Variants in NCOR2 observed in about 807,000 individuals in gnomAD.
The protein encoded by NCOR2 is CTG repeat protein 26.
NCOR2 carries 81 observed loss-of-function variants against 262.9 expected under a neutral mutation model. The ratio of observed to expected loss-of-function variants is 0.31; its 90% CI spans 0.26 to 0.37. NCOR2 has a LOEUF of 0.37. NCOR2 is among the 10% of genes least tolerant of loss of function. The probability of loss-of-function intolerance (pLI) is 1.00; values close to 1 mark genes in which losing one functional copy is unlikely to be tolerated. For synonymous variants in NCOR2, 1,659 were observed against 1,559.3 expected, an observed-to-expected ratio of 1.06 and a Z score of -1.51; for missense variants, 3,385 against 3,621.4, an observed-to-expected ratio of 0.93 and a Z score of 1.68.
At position 124,354,613 on chromosome 12, in the gene NCOR2, G is replaced by T. The variant is rs367888554; in HGVS notation, c.3485-31C>A. 1.6e-4 allele frequency: 233 copies of T among 1,490,438 alleles called. 1 individual carries two copies. The African/African-American group carries it at 2.8e-3, about 18-fold the overall frequency. The allele number at this position is 1,490,438 out of a possible 1,614,324, so 92.3% of individuals were successfully genotyped here. ...GACCAGTAAGAGGAGCGAGTCACGTGCTGCCGGAGCAGGGTCCCGGGAGGC... is the reference window on the plus strand; with the variant it reads ...GACCAGTAAGAGGAGCGAGTCACGTTCTGCCGGAGCAGGGTCCCGGGAGGC... On this transcript the variant is annotated intron_variant, in intron 25 of 46. Coordinates refer to ENST00000405201, the Ensembl canonical transcript of NCOR2.
intron 18 of NCOR2, among the ~76,000 whole-genome samples, chr12:124,376,586 T>TG (rs1565889071): frequency 6.6e-6 from 1 of 152,116 alleles, no homozygotes; most frequent in Non-Finnish European, 1.5e-5. Flanking sequence ...CCAAAGCTGG[T>TG]GGGGAGGCCA....
At chr12:124,415,194 C>T (rs538272374) in intron 13 of NCOR2, among the ~76,000 whole-genome samples, 1 of 152,336 alleles carries the variant, frequency 6.6e-6, no homozygotes, top group South Asian at 2.1e-4. Context: ...TGCTCACAGC[C>T]TTGGCGCACT....
upstream of NCOR2, among the ~76,000 whole-genome samples, chr12:124,540,295 G>C (rs1019575116): frequency 1.3e-5 from 2 of 149,378 alleles, no homozygotes; most frequent in Non-Finnish European, 3.0e-5. Flanking sequence ...CCGAGGAACA[G>C]GTGTCCATGA....
intron 1 of NCOR2, among the ~76,000 whole-genome samples, chr12:124,521,433 A>G (rs1201211679): frequency 6.6e-6 from 1 of 152,238 alleles, no homozygotes; most frequent in Non-Finnish European, 1.5e-5. Context: ...GAATTCCGCC[A>G]TATAAAGGAA....
chr12:124,482,297 G>A lies in NCOR2; in HGVS notation c.411+1299C>T, dbSNP rs1202539988. ...CCTGTGGGTATCTGGCAGGTGTGCA[G>A]GTGTCGGGGCCACAGCCACTCAGAG... is the stretch of plus-strand genomic sequence containing the variant. On this transcript the variant is annotated intron_variant, in intron 3 of 46. Coordinates refer to ENST00000405201, the Ensembl canonical transcript of NCOR2. This position sits in a 1 kb window ranked among gnomAD's most constrained non-coding sequence, Gnocchi z 6.3. Among the ~76,000 whole-genome samples, 1 of 151,976 alleles carries A rather than the reference G, an allele frequency of 6.6e-6. No individual in the cohort carries two copies. The highest frequency in any genetic ancestry group is 6.5e-5 in the Admixed American group (1 of 15,270).
intron 34 of NCOR2, among the ~76,000 whole-genome samples, chr12:124,341,494 C>T (rs1430891685): frequency 6.6e-6 from 1 of 152,224 alleles, no homozygotes; most frequent in Non-Finnish European, 1.5e-5. Context: ...GCCTCGCCCT[C>T]CCCAAGTGCT....
chr12:124,392,076 G>A (rs1370106835), intron 16 of NCOR2, among the ~76,000 whole-genome samples: 1 of 152,208 alleles, frequency 6.6e-6, no homozygotes, highest in Non-Finnish European at 1.5e-5. Context: ...GGCCTGCCTT[G>A]TTCGTGAGCA....
intron 11 of NCOR2, among the ~76,000 whole-genome samples, chr12:124,424,703 C>A (rs1352391541): frequency 6.6e-6 from 1 of 152,238 alleles, no homozygotes; most frequent in East Asian, 1.9e-4. Context: ...CCTGGCACCT[C>A]TTTGGGGCCA....
At chr12:124,489,117 A>G (rs1382205922) in intron 1 of NCOR2, among the ~76,000 whole-genome samples, 1 of 152,004 alleles carries the variant, frequency 6.6e-6, no homozygotes, top group Non-Finnish European at 1.5e-5. Context: ...GGGGAAGGCA[A>G]GAATTGGGGA....
At chr12:124,518,708 C>T (rs1014402228) in intron 1 of NCOR2, among the ~76,000 whole-genome samples, 1 of 152,268 alleles carries the variant, frequency 6.6e-6, no homozygotes, top group African/African-American at 2.4e-5. Context: ...AGCCGACACT[C>T]GGGAGCTGAA....
In NCOR2 at chr12:124,389,449, C is replaced by T. The variant is rs555375280; in HGVS notation, c.1877-3562G>A. On this transcript the variant is annotated intron_variant, in intron 16 of 46. Coordinates refer to ENST00000405201, the Ensembl canonical transcript of NCOR2. The surrounding 1 kb of genome is among the most constrained non-coding windows in gnomAD (Gnocchi z 4.4). ...CTCCCCCTCCCTCTCTCCCCATCCG[C>T]GGCGGTGGCGGCGTCAGCAGTGGTA... 4.6e-5 allele frequency among the ~76,000 whole-genome samples: 7 copies of T among 152,296 alleles called. No individual in the cohort carries two copies. The East Asian group carries it at 1.2e-3, about 25-fold the overall frequency.
Position 124,344,189 on chromosome 12 carries a change from C to G in NCOR2, c.4714+408G>C, listed in dbSNP as rs368812696. ...GCCCAGGGGCTGGGGCTGGGGAGGA[C>G]GAAGGAATCCGGCTGAATGAGAGGC... On this transcript the variant is annotated intron_variant, in intron 32 of 46. Transcript: ENST00000405201. Among the ~76,000 whole-genome samples, 15 of 152,236 alleles carry G rather than the reference C, an allele frequency of 9.9e-5. No individual in the cohort carries two copies. In the South Asian group the frequency reaches 1.2e-3, roughly 13 times the overall value.
exon 20 of NCOR2, chr12:124,372,284 C>T (rs142292731): frequency 0.024 from 36,898 of 1,553,006 alleles, 573 homozygotes; most frequent in Non-Finnish European, 0.028. Flanking sequence ...GCCAGCTCCT[C>T]AGCCGCGGGG....
intron 3 of NCOR2, among the ~76,000 whole-genome samples, chr12:124,479,550 C>T (rs1260507890): frequency 2.0e-5 from 3 of 152,140 alleles, no homozygotes; most frequent in Non-Finnish European, 4.4e-5. Flanking sequence ...CGCACCCACA[C>T]ACAAACGCGC....
At chr12:124,536,799 T>C (rs928159921), upstream of NCOR2, among the ~76,000 whole-genome samples, 7 of 152,220 alleles carry the variant, frequency 4.6e-5, no homozygotes, top group Admixed American at 4.6e-4. Context: ...ATTCAACTCC[T>C]AGGACTTTGT....
intron 43 of NCOR2, 108 bp downstream of exon 45, chr12:124,332,211 T>G: frequency 7.1e-7 from 1 of 1,408,814 alleles, no homozygotes; most frequent in East Asian, 2.3e-5. Context: ...CCACTTAGCT[T>G]TCGAAGGTGC....
exon 32 of NCOR2, chr12:124,344,901 C>T: frequency 6.3e-7 from 1 of 1,578,264 alleles, no homozygotes. Flanking sequence ...GTACGTCGTG[C>T]TTTTTGGAGC....
At chr12:124,527,420 A>T (rs1232800703) in intron 1 of NCOR2, among the ~76,000 whole-genome samples, 1 of 151,634 alleles carries the variant, frequency 6.6e-6, no homozygotes, top group Non-Finnish European at 1.5e-5. Flanking sequence ...ATAATTTTTT[A>T]TTTATTTTTT....
At chr12:124,349,243 T>A (rs2037219273) in intron 28 of NCOR2, among the ~76,000 whole-genome samples, 1 of 152,186 alleles carries the variant, frequency 6.6e-6, no homozygotes, top group East Asian at 1.9e-4. Flanking sequence ...AGGCTGGGCT[T>A]TGCCCATCTA....
Sources: allele counts gnomAD v4.1 joint callset (sites outside exome capture counted in the v4.1 genomes callset), GRCh38; gene constraint gnomAD v4.1.1; non-coding constraint Gnocchi (gnomAD v3.1); transcripts MANE v1.5; gene names NCBI Gene and HGNC (gene_info 2026-07-23, HGNC 2026-07-21).